The following NEGR1 variants were observed in gnomAD, a reference collection of about 807,000 sequenced individuals.
NEGR1 encodes neuronal growth regulator 1, also known as IgLON family member 4.
NEGR1 carries 10 observed loss-of-function variants against 40.9 expected under a neutral mutation model. The observed-to-expected ratio is 0.24, with a 90% CI of 0.15 to 0.42. The LOEUF (loss-of-function observed/expected upper bound fraction) is 0.42. NEGR1 is among the 10% of genes least tolerant of loss of function. NEGR1 has a pLI of 1.00. For synonymous variants in NEGR1, 185 were observed against 166.8 expected (o/e 1.11, Z -0.84); for missense variants, 352 against 438.9 (o/e 0.80, Z 1.77).
chr1:71,507,982 C>A (rs747869734), intron 6 of NEGR1, among the ~76,000 whole-genome samples: 5 of 152,064 alleles, frequency 3.3e-5, no homozygotes, highest in African/African-American at 4.8e-5. Flanking sequence ...GGAATTGTCT[C>A]CCCCACAAGT....
At chr1:72,060,608 C>G (rs967315051) in intron 1 of NEGR1, among the ~76,000 whole-genome samples, 1 of 151,500 alleles carries the variant, frequency 6.6e-6, no homozygotes, top group African/African-American at 2.4e-5. Context: ...AGAGTTAATA[C>G]GATAAGCTCT....
chr1:71,439,525 G>A (rs1646532968), intron 6 of NEGR1, among the ~76,000 whole-genome samples: 1 of 152,092 alleles, frequency 6.6e-6, no homozygotes, highest in South Asian at 2.1e-4. Flanking sequence ...ACTAAACTCA[G>A]CTAATTTTTG....
chr1:71,609,092 A>G (rs996007596), intron 5 of NEGR1, among the ~76,000 whole-genome samples: 1 of 152,170 alleles, frequency 6.6e-6, no homozygotes, highest in Non-Finnish European at 1.5e-5. Context: ...ACTAAGCTAT[A>G]AAAAGGCAAA....
intron 6 of NEGR1, among the ~76,000 whole-genome samples, chr1:71,491,591 A>T (rs901702275): frequency 4.4e-4 from 57 of 129,616 alleles, no homozygotes; most frequent in African/African-American, 1.5e-3. Context: ...TTTTTTTTTT[A>T]AATGAAAATA....
chr1:72,274,522 G>A (rs1432155824), intron 1 of NEGR1: 24 of 679,840 alleles, frequency 3.5e-5, no homozygotes, highest in Non-Finnish European at 8.1e-6. Flanking sequence ...GTCTGTATCG[G>A]TATCCCAATG....
chr1:71,555,294 T>A (rs1468485821), intron 6 of NEGR1, among the ~76,000 whole-genome samples: 1 of 151,496 alleles, frequency 6.6e-6, no homozygotes, highest in Non-Finnish European at 1.5e-5. Context: ...TTGGAGGTAG[T>A]AATTGGGCTA....
At chr1:71,524,324 GT>G (rs1448294908) in intron 6 of NEGR1, among the ~76,000 whole-genome samples, 15 of 148,694 alleles carry the variant, frequency 1.0e-4, no homozygotes, top group Non-Finnish European at 2.1e-4. Context: ...GAGTGTGTGT[GT>G]GTGTGTGTGT....
At chr1:72,018,495 G>A (rs2100416044) in intron 1 of NEGR1, among the ~76,000 whole-genome samples, 1 of 152,204 alleles carries the variant, frequency 6.6e-6, no homozygotes, top group Admixed American at 6.5e-5. Flanking sequence ...TATTATGTAC[G>A]TTTTATGACA....
At chr1:71,843,139 C>G (rs1481244500) in intron 2 of NEGR1, among the ~76,000 whole-genome samples, 2 of 152,068 alleles carry the variant, frequency 1.3e-5, no homozygotes, top group Non-Finnish European at 2.9e-5. Context: ...CATTAGGGAA[C>G]TCACTTTGAT....
At position 71,688,677 on chromosome 1, in the gene NEGR1, G is replaced by A. The variant is rs146374962; in HGVS notation, c.667+9331C>T. Among the ~76,000 whole-genome samples, 49 of 151,742 alleles carry A rather than the reference G, an allele frequency of 3.2e-4. No homozygotes were observed. In the East Asian group the frequency reaches 9.2e-3, roughly 29 times the overall value. On this transcript the variant is annotated intron_variant, in intron 4 of 6. Transcript: ENST00000357731. ...TCACCATGTTGGCCAGGCTGGTCTC[G>A]AACTCCTAACCTGAGGTGATCCACC...
At chr1:71,668,745 G>A (rs1652321192) in intron 4 of NEGR1, among the ~76,000 whole-genome samples, 2 of 152,018 alleles carry the variant, frequency 1.3e-5, no homozygotes, top group South Asian at 4.2e-4. Context: ...TGTGTAGAAG[G>A]GTTGGCATTT....
chr1:71,702,297 G>A (rs1241170789), intron 3 of NEGR1, among the ~76,000 whole-genome samples: 1 of 152,004 alleles, frequency 6.6e-6, no homozygotes, highest in African/African-American at 2.4e-5. Context: ...AGTTTATTGG[G>A]AAGTAAAAGT....
In NEGR1 at chr1:71,756,846, T is replaced by TA. The variant is rs200567051; in HGVS notation, c.535+19325dup. Among the ~76,000 whole-genome samples, 965 of 127,714 alleles carry TA rather than the reference T, an allele frequency of 7.6e-3. 4 individuals carry two copies. Among genetic ancestry groups the TA allele is most frequent in the Non-Finnish European group, 0.011 (607 of 57,090 alleles). The allele number at this position is 127,714 out of a possible 152,430, so 83.8% of individuals were successfully genotyped here. A position where few individuals can be genotyped will look rare whatever the true frequency, so the allele number is the denominator to read the frequency against. ...ATTCAAATCAAATGCAAAATGAAAA[T>TA]AAAAAAAAAAAACCTGGCTAACAGG... is the stretch of plus-strand genomic sequence containing the variant. On this transcript the variant is annotated intron_variant, in intron 3 of 6. Transcript: ENST00000357731.
At chr1:71,698,645 T>A (rs1653571657) in intron 3 of NEGR1, among the ~76,000 whole-genome samples, 1 of 151,862 alleles carries the variant, frequency 6.6e-6, no homozygotes, top group Non-Finnish European at 1.5e-5. Context: ...TATATTTTGG[T>A]TTCCAAAAGT....
chr1:72,028,915 T>C (rs1646834216), intron 1 of NEGR1, among the ~76,000 whole-genome samples: 1 of 152,166 alleles, frequency 6.6e-6, no homozygotes, highest in Non-Finnish European at 1.5e-5. Context: ...TGATGCTCAA[T>C]ATACTGTTTA....
chr1:71,717,653 C>A (rs962430269), intron 3 of NEGR1, among the ~76,000 whole-genome samples: 1 of 152,172 alleles, frequency 6.6e-6, no homozygotes, highest in African/African-American at 2.4e-5. Flanking sequence ...AGTAACAATG[C>A]TTTAGATGCT....
intron 2 of NEGR1, among the ~76,000 whole-genome samples, chr1:71,902,499 T>G (rs1386047148): frequency 6.6e-6 from 1 of 152,226 alleles, no homozygotes; most frequent in Non-Finnish European, 1.5e-5. Flanking sequence ...ACCCATTGTA[T>G]TTGTGGTAAC....
chr1:72,102,614 A>C (rs1648988709), intron 1 of NEGR1, among the ~76,000 whole-genome samples: 1 of 152,120 alleles, frequency 6.6e-6, no homozygotes, highest in African/African-American at 2.4e-5. Flanking sequence ...TTTTAAAGTA[A>C]GGTTTTTGCT....
In NEGR1 at chr1:71,994,550, A is replaced by C. The variant is rs75619127; in HGVS notation, c.177-59239T>G. On this transcript the variant is annotated intron_variant, in intron 1 of 6. Coordinates refer to ENST00000357731, the MANE Select transcript of NEGR1 (RefSeq NM_173808.3). ...CTCAAAAACAAAACAAAACAAACAAAAAAAAAAAACACTCATCACAAAAAT... is the reference window on the plus strand; with the variant it reads ...CTCAAAAACAAAACAAAACAAACAACAAAAAAAAACACTCATCACAAAAAT... Among the ~76,000 whole-genome samples, 1,115 of 117,944 alleles carry C rather than the reference A, an allele frequency of 9.5e-3. 21 individuals carry two copies. Among genetic ancestry groups the C allele is most frequent in the African/African-American group, 0.036 (1,072 of 30,158 alleles). 77.4% of individuals were successfully genotyped at this position (117,944 alleles called of 152,430 possible).
Sources: gnomAD v4.1 joint callset for allele counts (sites outside exome capture counted in the v4.1 genomes callset) on GRCh38, gnomAD v4.1.1 for gene constraint, MANE v1.5 for transcripts, NCBI Gene and HGNC (gene_info 2026-07-23, HGNC 2026-07-21) for gene names.